The following PCDH9 variants were observed in gnomAD, a reference collection of about 807,000 sequenced individuals.
PCDH9 encodes the protein protocadherin 9, also known as protocadherin-9.
PCDH9 carries 24 observed loss-of-function variants against 70.6 expected under a neutral mutation model. The ratio of observed to expected loss-of-function variants is 0.34; its 90% CI spans 0.25 to 0.48. The LOEUF (loss-of-function observed/expected upper bound fraction) is 0.48. Among genes scored for constraint, PCDH9 ranks in the 20% least tolerant of loss-of-function variants. The probability of loss-of-function intolerance (pLI) is 0.99; values close to 1 mark genes in which losing one functional copy is unlikely to be tolerated. For synonymous variants in PCDH9, 562 were observed against 558.5 expected (o/e 1.01, Z -0.09); for missense variants, 1,281 against 1,503.6 (o/e 0.85, Z 2.45).
intron 3 of PCDH9, among the ~76,000 whole-genome samples, chr13:66,665,713 T>C (rs773257008): frequency 1.3e-5 from 2 of 152,310 alleles, no homozygotes; most frequent in Non-Finnish European, 2.9e-5. Flanking sequence ...CCTCTGCACA[T>C]GCTTTCCAAT....
chr13:66,969,176 T>C (rs1243800334), intron 2 of PCDH9, among the ~76,000 whole-genome samples: 1 of 152,040 alleles, frequency 6.6e-6, no homozygotes, highest in African/African-American at 2.4e-5. Context: ...GAATACCGCT[T>C]AGTGATTTGA....
intron 3 of PCDH9, among the ~76,000 whole-genome samples, chr13:66,833,072 G>A (rs535499732): frequency 1.3e-5 from 2 of 151,724 alleles, no homozygotes; most frequent in South Asian, 2.1e-4. Flanking sequence ...ATTTTAAATC[G>A]TATACTCTAC....
chr13:66,457,567 T>A (rs1958342115), intron 4 of PCDH9, among the ~76,000 whole-genome samples: 1 of 152,062 alleles, frequency 6.6e-6, no homozygotes, highest in Non-Finnish European at 1.5e-5. Flanking sequence ...AATATTGCAC[T>A]AACAGCCTAG....
chr13:66,866,398 C>A (rs1291213250), intron 3 of PCDH9, among the ~76,000 whole-genome samples: 1 of 151,934 alleles, frequency 6.6e-6, no homozygotes, highest in Non-Finnish European at 1.5e-5. Flanking sequence ...AAGAGAATGG[C>A]GGGAACCCGG....
chr13:66,556,215 A>AT (rs1038152149), intron 4 of PCDH9, among the ~76,000 whole-genome samples: 2 of 151,784 alleles, frequency 1.3e-5, no homozygotes, highest in African/African-American at 2.4e-5. Context: ...TTGACTCCAT[A>AT]TTTTTTATAA....
Position 66,346,993 on chromosome 13 carries a change from G to C in PCDH9, c.3341-41965C>G, listed in dbSNP as rs548280867. Among the ~76,000 whole-genome samples, 798 of 152,238 alleles carry C rather than the reference G, an allele frequency of 5.2e-3. 3 individuals are homozygous for C. The highest frequency in any genetic ancestry group is 8.2e-3 in the Non-Finnish European group (558 of 68,016). ...AGTCACTTCATTGTATTCAATTTAA[G>C]ATTATGGGGATATATTAACTCTTTC... is the stretch of plus-strand genomic sequence containing the variant. On this transcript the variant is annotated intron_variant, in intron 4 of 4. Transcript: ENST00000377865.
chr13:66,892,205 T>A (rs1277340270), intron 3 of PCDH9, among the ~76,000 whole-genome samples: 1 of 148,572 alleles, frequency 6.7e-6, no homozygotes, highest in African/African-American at 2.5e-5. Context: ...GTGTTATGTG[T>A]GTGTATATAT....
chr13:66,887,489 G>C (rs1211591421), intron 3 of PCDH9, among the ~76,000 whole-genome samples: 2 of 152,044 alleles, frequency 1.3e-5, no homozygotes, highest in African/African-American at 4.8e-5. Context: ...GTTAGTAAAG[G>C]CATTTTGAAA....
At chr13:67,148,282 T>C (rs2087572432) in intron 2 of PCDH9, among the ~76,000 whole-genome samples, 1 of 152,010 alleles carries the variant, frequency 6.6e-6, no homozygotes, top group Admixed American at 6.6e-5. Flanking sequence ...GGAAATATAC[T>C]ACTGAATAAG....
At chr13:67,072,142 T>C (rs1421626428) in intron 2 of PCDH9, among the ~76,000 whole-genome samples, 1 of 152,084 alleles carries the variant, frequency 6.6e-6, no homozygotes, top group African/African-American at 2.4e-5. Flanking sequence ...CCCCAAAACA[T>C]GGCACCTAGG....
At chr13:66,979,138 G>C (rs1308667280) in intron 2 of PCDH9, among the ~76,000 whole-genome samples, 1 of 152,070 alleles carries the variant, frequency 6.6e-6, no homozygotes, top group East Asian at 1.9e-4. Context: ...CAGTATCAGA[G>C]CAAAGAGGTG....
intron 2 of PCDH9, among the ~76,000 whole-genome samples, chr13:67,032,662 T>C (rs1055662890): frequency 2.0e-5 from 3 of 152,188 alleles, no homozygotes; most frequent in Non-Finnish European, 4.4e-5. Context: ...TATGAGACTA[T>C]TTGGACAAAT....
intron 3 of PCDH9, among the ~76,000 whole-genome samples, chr13:66,723,602 G>A (rs896213449): frequency 2.0e-5 from 3 of 152,190 alleles, no homozygotes; most frequent in African/African-American, 7.2e-5. Context: ...CAGATGGCCT[G>A]AAGAAGAAAA....
chr13:67,165,147 A>C (rs542280124), intron 2 of PCDH9, among the ~76,000 whole-genome samples: 112 of 152,332 alleles, frequency 7.4e-4, no homozygotes, highest in African/African-American at 2.7e-3. Flanking sequence ...CAGAAATTAA[A>C]ACTTAATTTC....
intron 3 of PCDH9, among the ~76,000 whole-genome samples, chr13:66,708,177 G>A (rs1186934140): frequency 6.6e-6 from 1 of 150,454 alleles, no homozygotes; most frequent in Non-Finnish European, 1.5e-5. Context: ...AGCCTCCCAA[G>A]TAGCTGGGAC....
chr13:67,159,420 C>T (rs1240870534), intron 2 of PCDH9, among the ~76,000 whole-genome samples: 3 of 152,134 alleles, frequency 2.0e-5, no homozygotes, highest in Admixed American at 6.6e-5. Context: ...CATATTGTGT[C>T]ACATCTGGCA....
chr13:66,595,879 G>A (rs878940534), intron 4 of PCDH9, among the ~76,000 whole-genome samples: 5 of 151,414 alleles, frequency 3.3e-5, no homozygotes, highest in Admixed American at 2.0e-4. Context: ...TAAAGTAAGC[G>A]AAAAGAGAAA....
intron 4 of PCDH9, among the ~76,000 whole-genome samples, chr13:66,466,684 G>C (rs574634987): frequency 6.6e-6 from 1 of 151,982 alleles, no homozygotes; most frequent in Non-Finnish European, 1.5e-5. Flanking sequence ...AAATATATCT[G>C]CTCACATTAC....
At chr13:66,316,332 G>A (rs746900721) in intron 4 of PCDH9, among the ~76,000 whole-genome samples, 1 of 152,160 alleles carries the variant, frequency 6.6e-6, no homozygotes, top group Non-Finnish European at 1.5e-5. Context: ...ATATTTGGGG[G>A]ACTATTATTC....
Sources: allele counts gnomAD v4.1 joint callset (sites outside exome capture counted in the v4.1 genomes callset), GRCh38; gene constraint gnomAD v4.1.1; transcripts MANE v1.5; gene names NCBI Gene and HGNC (gene_info 2026-07-23, HGNC 2026-07-21).